The following TBX4 variants were observed in gnomAD, a reference collection of about 807,000 sequenced individuals.
TBX4 encodes the protein T-box transcription factor 4.
Under a neutral mutation model 54.6 loss-of-function variants are expected in TBX4, and 13 were observed. The ratio of observed to expected loss-of-function variants is 0.24; its 90% confidence interval spans 0.15 to 0.38. The LOEUF (loss-of-function observed/expected upper bound fraction) is 0.38. TBX4 is among the 10% of genes least tolerant of loss of function. TBX4 has a pLI of 1.00. For synonymous variants in TBX4, 314 were observed against 306.7 expected, an observed-to-expected ratio of 1.02 and a Z score of -0.25; for missense variants, 631 against 728.5, an observed-to-expected ratio of 0.87 and a Z score of 1.54.
chr17:61,465,745 C>T lies in TBX4; in HGVS notation c.282-74C>T. ...GGCAGCATCTGTTAGCGGCCTTCTG[C>T]CCCCTTGCTCACTCTGTTCCATCTC... On this transcript the variant is annotated intron_variant, in intron 3 of 8. Transcript: ENST00000644296. The surrounding 1 kb of genome is among the most constrained non-coding windows in gnomAD (Gnocchi z 4.9). 1 of 1,600,130 alleles carries T rather than the reference C, an allele frequency of 6.2e-7. No individual in the cohort carries two copies. Among genetic ancestry groups the T allele is most frequent in the South Asian group, 1.1e-5 (1 of 90,592 alleles).
Position 61,480,401 on chromosome 17 carries a change from CCCCCAACACACACACACT to C in TBX4, c.1021+84_1021+101del, listed in dbSNP as rs1356575185. ...CCGAAACCACTCTGCAGCGCCCCCC[CCCCCAACACACACACACT>C]CATCTCGTGCTTGTGTGGCCTGGGA... On this transcript the variant is annotated intron_variant, in intron 8 of 8. Transcript: ENST00000644296. The surrounding 1 kb of genome is among the most constrained non-coding windows in gnomAD (Gnocchi z 6.2). 3.5e-5 allele frequency: 40 copies of C among 1,134,994 alleles called. No individual in the cohort carries two copies. The highest frequency in any genetic ancestry group is 5.0e-5 in the Non-Finnish European group (39 of 783,246). 70.3% of individuals were successfully genotyped at this position (1,134,994 alleles called of 1,614,324 possible).
At chr17:61,456,387 TC>T in intron 1 of TBX4, 100 bp from the exon 2 acceptor site, 2 of 1,492,224 alleles carry the variant, frequency 1.3e-6, no homozygotes, top group Non-Finnish European at 1.8e-6. Flanking sequence ...CAGGGCTGCC[TC>T]CGCGCCCCGC....
chr17:61,457,180 T>A lies in TBX4; in HGVS notation c.187-357T>A, dbSNP rs891457846. On this transcript the variant is annotated intron_variant, in intron 2 of 8. Transcript: ENST00000644296. This position sits in a 1 kb window ranked among gnomAD's most constrained non-coding sequence, Gnocchi z 8.2. ...TGTGCACTATCTGCAGGCGCGCGCCTGGCCGAGGGTGCGTGCGCCTCTCCC... is the reference window on the plus strand; with the variant it reads ...TGTGCACTATCTGCAGGCGCGCGCCAGGCCGAGGGTGCGTGCGCCTCTCCC... Among the ~76,000 whole-genome samples the A allele has an allele frequency of 6.6e-6, 1 of 151,952 alleles. No individual in the cohort carries two copies. The highest frequency in any genetic ancestry group is 2.4e-5 in the African/African-American group (1 of 41,372).
chr17:61,452,745 C>G (rs992937966), intron 1 of TBX4, among the ~76,000 whole-genome samples, 168 bp downstream of exon 1: 6 of 152,212 alleles, frequency 3.9e-5, no homozygotes, highest in Middle Eastern at 3.2e-3. Flanking sequence ...GAAGGCGGCG[C>G]GAAGTGCCTT....
chr17:61,480,873 G>A lies in TBX4; in HGVS notation c.1021+554G>A, dbSNP rs1013475985. On this transcript the variant is annotated intron_variant, in intron 8 of 8. Transcript: ENST00000644296. The surrounding 1 kb of genome is among the most constrained non-coding windows in gnomAD (Gnocchi z 6.2). ...CAAGCCACAGCACCCTCTGTGCCAGGCCTCTTCGTAAAGAGGAGGAGCCCG... is the reference window on the plus strand; with the variant it reads ...CAAGCCACAGCACCCTCTGTGCCAGACCTCTTCGTAAAGAGGAGGAGCCCG... Among the ~76,000 whole-genome samples, 1 of 152,196 alleles carries A rather than the reference G, an allele frequency of 6.6e-6. No individual in the cohort carries two copies. Among genetic ancestry groups the A allele is most frequent in the Non-Finnish European group, 1.5e-5 (1 of 68,030 alleles).
At chr17:61,469,247 G>A (rs1162712987) in intron 5 of TBX4, among the ~76,000 whole-genome samples, 4 of 152,200 alleles carry the variant, frequency 2.6e-5, no homozygotes, top group Non-Finnish European at 5.9e-5. Context: ...GTGGGAGAGA[G>A]CGCTCTGGCC....
At position 61,456,636 on chromosome 17, in the gene TBX4, G is replaced by T. The variant is rs558901097; in HGVS notation, c.146G>T (p.Gly49Val). The change falls in exon 2 of 9, where the codon GGA becomes GTA. Residue 49 changes from glycine to valine, a missense_variant. This residue lies in a region of TBX4 where 123 missense variants were observed against 120.9 expected (regional missense o/e 1.02). Coordinates refer to ENST00000644296, the MANE Select transcript of TBX4 (RefSeq NM_001321120.2). ...LSGAALGSPP[G>V]PGADVVAAAA... ...GGAGCCGCGCTAGGCAGCCCCCCGG[G>T]ACCCGGGGCCGACGTCGTCGCCGCC... The T allele has an allele frequency of 2.2e-6, 3 of 1,355,834 alleles. No homozygotes were observed. The highest frequency in any genetic ancestry group is 7.0e-5 in the Admixed American group (2 of 28,614). The allele number at this position is 1,355,834 out of a possible 1,614,324, so 84.0% of individuals were successfully genotyped here.
At position 61,457,771 on chromosome 17, in the gene TBX4, C is replaced by T. The variant is rs1226064225; in HGVS notation, c.281+140C>T. On this transcript the variant is annotated intron_variant, in intron 3 of 8. Coordinates refer to ENST00000644296, the MANE Select transcript of TBX4 (RefSeq NM_001321120.2). This position sits in a 1 kb window ranked among gnomAD's most constrained non-coding sequence, Gnocchi z 8.2. ...CTCCTCGGGCGTCAGTGCCACCTCCCTTCGCAGCTTGGGACTGGGCCGCCA... is the reference window on the plus strand; with the variant it reads ...CTCCTCGGGCGTCAGTGCCACCTCCTTTCGCAGCTTGGGACTGGGCCGCCA... 3 of 799,868 alleles carry T rather than the reference C, an allele frequency of 3.8e-6. No individual in the cohort carries two copies. In the Admixed American group the frequency reaches 6.8e-5, roughly 18 times the overall value. The allele number at this position is 799,868 out of a possible 1,614,324, so 49.5% of individuals were successfully genotyped here.
In TBX4 at chr17:61,483,613, A is replaced by AGT. The variant is rs149977669; in HGVS notation, c.*136_*137dup. ...ACCAAGAAACACAGGAAGGTATTCC[A>AGT]GTGTGTGTGTGTGTGTGTGTGTGTG... On this transcript the variant is annotated 3_prime_UTR_variant, in exon 9 of 9. Coordinates refer to ENST00000644296, the MANE Select transcript of TBX4 (RefSeq NM_001321120.2). The surrounding 1 kb of genome is among the most constrained non-coding windows in gnomAD (Gnocchi z 6.6). 159,984 of 777,154 alleles carry AGT rather than the reference A, an allele frequency of 0.21. 6,774 individuals are homozygous for AGT. Among genetic ancestry groups the AGT allele is most frequent in the Admixed American group, 0.3 (13,854 of 46,442 alleles). 48.1% of individuals were successfully genotyped at this position (777,154 alleles called of 1,614,324 possible).
chr17:61,476,689 C>G lies in TBX4; in HGVS notation c.550-1938C>G, dbSNP rs987191979. Among the ~76,000 whole-genome samples, 1 of 152,212 alleles carries G rather than the reference C, an allele frequency of 6.6e-6. No homozygotes were observed. Among genetic ancestry groups the G allele is most frequent in the African/African-American group, 2.4e-5 (1 of 41,456 alleles). ...GGCAGCAGGTCCCCAGCTGCAGGAC[C>G]TGGTTTGGGGTTTGGGAGTTATGTA... On this transcript the variant is annotated intron_variant, in intron 5 of 8. Transcript: ENST00000644296. This position sits in a 1 kb window ranked among gnomAD's most constrained non-coding sequence, Gnocchi z 6.5.
At position 61,475,967 on chromosome 17, in the gene TBX4, T is replaced by C. The variant is rs890417672; in HGVS notation, c.550-2660T>C. ...GCCTTAGAGATGATCTCGTCTTTAG[T>C]GAGCAAGCAAAGACCAGAGAGGAGG... On this transcript the variant is annotated intron_variant, in intron 5 of 8. Coordinates refer to ENST00000644296, the MANE Select transcript of TBX4 (RefSeq NM_001321120.2). This position sits in a 1 kb window ranked among gnomAD's most constrained non-coding sequence, Gnocchi z 5.0. Among the ~76,000 whole-genome samples, 9 of 152,014 alleles carry C rather than the reference T, an allele frequency of 5.9e-5. No homozygotes were observed. Among genetic ancestry groups the C allele is most frequent in the Non-Finnish European group, 1.2e-4 (8 of 68,012 alleles).
rs1603254710 is a variant in TBX4, at chr17:61,478,375, G to C, written c.550-252G>C. On this transcript the variant is annotated intron_variant, in intron 5 of 8. Coordinates refer to ENST00000644296, the MANE Select transcript of TBX4 (RefSeq NM_001321120.2). This position sits in a 1 kb window ranked among gnomAD's most constrained non-coding sequence, Gnocchi z 7.4. The stretch of plus-strand genomic sequence containing the variant: ...TCTCCATTACCACAGTGAATCAACT[G>C]GTCACATCAAGGAGGGCCTGGAGCT... 1 of 558,338 alleles carries C rather than the reference G, an allele frequency of 1.8e-6. No homozygotes were observed. Among genetic ancestry groups the C allele is most frequent in the Non-Finnish European group, 3.2e-6 (1 of 312,598 alleles). The allele number at this position is 558,338 out of a possible 1,614,324, so 34.6% of individuals were successfully genotyped here.
At position 61,484,092 on chromosome 17, in the gene TBX4, T is replaced by C. The variant is rs1198580859; in HGVS notation, c.*576T>C. The C allele has an allele frequency of 6.3e-6, 1 of 159,332 alleles. No individual in the cohort carries two copies. 9.9% of individuals were successfully genotyped at this position (159,332 alleles called of 1,614,324 possible). ...AGAGGTGGGCTCAGCTAAGCCACAA[T>C]GTGTACTTTGATAGTACAGCTGGCT... On this transcript the variant is annotated 3_prime_UTR_variant, in exon 9 of 9. Coordinates refer to ENST00000644296, the MANE Select transcript of TBX4 (RefSeq NM_001321120.2). This position sits in a 1 kb window ranked among gnomAD's most constrained non-coding sequence, Gnocchi z 4.1.
intron 1 of TBX4, among the ~76,000 whole-genome samples, chr17:61,454,119 G>T (rs568206223): frequency 6.6e-6 from 1 of 152,318 alleles, no homozygotes; most frequent in African/African-American, 2.4e-5. Context: ...ACGAATCAAA[G>T]CAGGGCTTTA....
Position 61,483,611 on chromosome 17 carries a change from C to T in TBX4, c.*95C>T. The T allele has an allele frequency of 1.1e-6, 1 of 902,462 alleles. No individual in the cohort carries two copies. Among genetic ancestry groups the T allele is most frequent in the Non-Finnish European group, 1.6e-6 (1 of 614,882 alleles). The allele number at this position is 902,462 out of a possible 1,614,324, so 55.9% of individuals were successfully genotyped here. A position where few individuals can be genotyped will look rare whatever the true frequency, so the allele number is the denominator to read the frequency against. On this transcript the variant is annotated 3_prime_UTR_variant, in exon 9 of 9. Coordinates refer to ENST00000644296, the MANE Select transcript of TBX4 (RefSeq NM_001321120.2). The surrounding 1 kb of genome is among the most constrained non-coding windows in gnomAD (Gnocchi z 6.6). ...CTACCAAGAAACACAGGAAGGTATT[C>T]CAGTGTGTGTGTGTGTGTGTGTGTG...
At chr17:61,455,356 C>G (rs1284587612) in intron 1 of TBX4, among the ~76,000 whole-genome samples, 1 of 152,196 alleles carries the variant, frequency 6.6e-6, no homozygotes, top group East Asian at 1.9e-4. Context: ...CAAGAAGGGC[C>G]GTCAGACCTA....
Position 61,457,094 on chromosome 17 carries a change from C to A in TBX4, c.186+418C>A, listed in dbSNP as rs1328166803. Among the ~76,000 whole-genome samples the A allele has an allele frequency of 6.6e-6, 1 of 152,202 alleles. No homozygotes were observed. Among genetic ancestry groups the A allele is most frequent in the Non-Finnish European group, 1.5e-5 (1 of 68,036 alleles). On this transcript the variant is annotated intron_variant, in intron 2 of 8. Transcript: ENST00000644296. This position sits in a 1 kb window ranked among gnomAD's most constrained non-coding sequence, Gnocchi z 8.2. The stretch of plus-strand genomic sequence containing the variant: ...GGGATCCGAGGCCTCTGGGACGTCG[C>A]CGAGGGCTTCACAGTGATAATCGGA...
intron 8 of TBX4, among the ~76,000 whole-genome samples, chr17:61,482,351 C>T (rs77887798): frequency 0.011 from 1,721 of 152,296 alleles, 34 homozygotes; most frequent in African/African-American, 0.038. Context: ...TCTGATGGTT[C>T]TTCTTTAAAC....
intron 5 of TBX4, among the ~76,000 whole-genome samples, chr17:61,468,830 G>C (rs968294168): frequency 1.5e-4 from 23 of 152,174 alleles, no homozygotes; most frequent in African/African-American, 5.6e-4. Context: ...GAGCCCCAAG[G>C]CATTTCAGCT....
Sources: allele counts gnomAD v4.1 joint callset (sites outside exome capture counted in the v4.1 genomes callset), GRCh38; gene constraint gnomAD v4.1.1; regional missense constraint gnomAD v4.1.1; non-coding constraint Gnocchi (gnomAD v3.1); transcripts MANE v1.5; gene names NCBI Gene and HGNC (gene_info 2026-07-23, HGNC 2026-07-21).